The following ANGPTL1 variants were observed in gnomAD, a reference collection of about 807,000 sequenced individuals.
The protein encoded by ANGPTL1 is angiopoietin-related protein 1.
In ANGPTL1, 36 loss-of-function variants were observed where a neutral mutation model predicts 46.7. The ratio of observed to expected loss-of-function variants is 0.77; its 90% CI spans 0.59 to 1.02. The LOEUF is 1.02. Among genes scored for constraint, ANGPTL1 ranks in the 50% least tolerant of loss-of-function variants. The probability of loss-of-function intolerance (pLI) is 0.00; values close to 1 mark genes in which losing one functional copy is unlikely to be tolerated. For missense variants in ANGPTL1, 571 were observed against 594.7 expected (o/e 0.96, Z 0.41); for synonymous variants, 221 against 204.3 (o/e 1.08, Z -0.69).
intron 3 of ANGPTL1, among the ~76,000 whole-genome samples, chr1:178,862,330 T>C (rs1034686227): frequency 6.6e-6 from 1 of 152,150 alleles, no homozygotes; most frequent in African/African-American, 2.4e-5. Flanking sequence ...AGAAGCTCTA[T>C]AAAAATGTCA....
chr1:178,853,662 C>T lies in ANGPTL1; in HGVS notation c.949G>A (p.Gly317Ser), dbSNP rs1055428169. 20 of 1,612,376 alleles carry T rather than the reference C, an allele frequency of 1.2e-5. 1 individual carries two copies. Among genetic ancestry groups the T allele is most frequent in the Non-Finnish European group, 1.7e-5 (20 of 1,179,272 alleles). The change falls in exon 4 of 6, where the codon GGT becomes AGT. Residue 317 changes from glycine (G) to serine (S), a missense_variant. Coordinates refer to ENST00000234816, the MANE Select transcript of ANGPTL1 (RefSeq NM_004673.4). ...GTTCTTTTCTGAATAACAGTCCAAC[C>T]CCCAGGGTCCAAACTGTTTTCACAC... ...LWCENSLDPGGWTVIQKRTDG... is the reference protein window; with the variant it reads ...LWCENSLDPGSWTVIQKRTDG...
chr1:178,858,111 T>C (rs1209400289), intron 3 of ANGPTL1, among the ~76,000 whole-genome samples: 1 of 152,182 alleles, frequency 6.6e-6, no homozygotes, highest in Non-Finnish European at 1.5e-5. Flanking sequence ...GGATAAAATT[T>C]AGCAGTGCCT....
chr1:178,869,786 A>G (rs921575378), intron 1 of ANGPTL1, among the ~76,000 whole-genome samples: 1 of 152,074 alleles, frequency 6.6e-6, no homozygotes, highest in Non-Finnish European at 1.5e-5. Context: ...AGGAGCCCCA[A>G]ATCTAACAAA....
In ANGPTL1 at chr1:178,852,950, C is replaced by G; in HGVS notation, c.1021G>C (p.Gly341Arg). 1 of 1,606,572 alleles carries G rather than the reference C, an allele frequency of 6.2e-7. No homozygotes were observed. Among genetic ancestry groups the G allele is most frequent in the South Asian group, 1.1e-5 (1 of 90,198 alleles). Reference protein sequence around the residue: ...FFRNWENYKKGFGNIDGEYWL... With the variant: ...FFRNWENYKKRFGNIDGEYWL... Reference sequence around the variant, plus strand: ...TATTCTCCGTCAATGTTTCCAAACCCTTTCTGTTAATAAGTGAAGAAACAT... The same window carrying G: ...TATTCTCCGTCAATGTTTCCAAACCGTTTCTGTTAATAAGTGAAGAAACAT... Residue 341 changes from glycine (G) to arginine (R), a missense_variant, in exon 5 of 6, where the codon GGG becomes CGG. Gly to Arg is a moderately radical substitution (Grantham distance 125, BLOSUM62 -2). Coordinates refer to ENST00000234816, the MANE Select transcript of ANGPTL1 (RefSeq NM_004673.4).
chr1:178,859,174 C>G (rs1657788282), intron 3 of ANGPTL1, among the ~76,000 whole-genome samples: 1 of 152,016 alleles, frequency 6.6e-6, no homozygotes, highest in African/African-American at 2.4e-5. Flanking sequence ...CAATTACGTT[C>G]TCATAACTGG....
chr1:178,862,238 TAGAAC>T (rs570437274), intron 3 of ANGPTL1, among the ~76,000 whole-genome samples: 100 of 152,226 alleles, frequency 6.6e-4, no homozygotes, highest in African/African-American at 2.4e-3. Flanking sequence ...TACTGTAACT[TAGAAC>T]AGTATAAAAT....
At chr1:178,860,192 T>C (rs1037013148) in intron 3 of ANGPTL1, among the ~76,000 whole-genome samples, 1 of 151,856 alleles carries the variant, frequency 6.6e-6, no homozygotes, top group Non-Finnish European at 1.5e-5. Flanking sequence ...TAATTTTTTT[T>C]AATAAAAGAC....
Position 178,865,535 on chromosome 1 carries a change from G to A in ANGPTL1, c.242C>T (p.Thr81Ile). The A allele has an allele frequency of 6.2e-7, 1 of 1,614,078 alleles. No homozygotes were observed. Among genetic ancestry groups the A allele is most frequent in the East Asian group, 2.2e-5 (1 of 44,868 alleles). The change falls in exon 3 of 6, where the codon ACC becomes ATC. Residue 81 changes from threonine to isoleucine, a missense_variant. Thr to Ile is a moderately conservative substitution (Grantham distance 89, BLOSUM62 -1). Transcript: ENST00000234816. ...QDASTIKDMITRMDLENLKDV... is the reference protein window; with the variant it reads ...QDASTIKDMIIRMDLENLKDV... ...CTTCAGGTTTTCAAGGTCCATCCTG[G>A]TGATCATGTCTTTAATGGTACTTGC...
chr1:178,851,829 G>A (rs1657194361), intron 5 of ANGPTL1, among the ~76,000 whole-genome samples: 1 of 152,092 alleles, frequency 6.6e-6, no homozygotes, highest in Non-Finnish European at 1.5e-5. Context: ...TGTGCTGTTT[G>A]CCAAAATACA....
rs147272398 is a variant in ANGPTL1 at position 178,857,631 on chromosome 1, ATATT to A, written c.824-3848_824-3845del. Among the ~76,000 whole-genome samples the A allele has an allele frequency of 2.6e-3, 399 of 152,316 alleles. 2 individuals are homozygous for A. Among genetic ancestry groups the A allele is most frequent in the African/African-American group, 8.5e-3 (353 of 41,588 alleles). On this transcript the variant is annotated intron_variant, in intron 3 of 5. Transcript: ENST00000234816. ...AAAGTAGTTTTGTTACAACATATAT[ATATT>A]TATCTCATTTTATAAATTTGCATAT... is the stretch of plus-strand genomic sequence containing the variant.
Position 178,865,904 on chromosome 1 carries a change from T to C in ANGPTL1, c.-26-102A>G. ...AAAACTATCTGAGGGAAAAACTGAA[T>C]ATTTATTGGTGTTAATAGATTAGGC... On this transcript the variant is annotated intron_variant, in intron 2 of 5. Coordinates refer to ENST00000234816, the MANE Select transcript of ANGPTL1 (RefSeq NM_004673.4). The C allele has an allele frequency of 6.0e-6, 4 of 666,144 alleles. No individual in the cohort carries two copies. The South Asian group carries it at 8.4e-5, about 14-fold the overall frequency. 41.3% of individuals were successfully genotyped at this position (666,144 alleles called of 1,614,324 possible).
rs951611060 is a variant in ANGPTL1, at chr1:178,870,805, C to G, written c.-201G>C. 11 of 152,100 alleles carry G rather than the reference C, an allele frequency of 7.2e-5. No homozygotes were observed. Among genetic ancestry groups the G allele is most frequent in the African/African-American group, 2.4e-4 (10 of 41,418 alleles). The allele number at this position is 152,100 out of a possible 1,614,324, so 9.4% of individuals were successfully genotyped here. Reference sequence around the variant, plus strand: ...TGCCCTTATTCTTGATTTTAAAAATCAGTGTAGAAGTTTGTTCATCTGTGA... The same window carrying G: ...TGCCCTTATTCTTGATTTTAAAAATGAGTGTAGAAGTTTGTTCATCTGTGA... On this transcript the variant is annotated 5_prime_UTR_variant, in exon 1 of 6. The change abolishes the stop of an existing upstream ORF in the 5' untranslated region. Transcript: ENST00000234816.
chr1:178,852,889 T>A lies in ANGPTL1; in HGVS notation c.1082A>T (p.Asn361Ile), dbSNP rs753970255. 4 of 1,613,756 alleles carry A rather than the reference T, an allele frequency of 2.5e-6. No homozygotes were observed. In the African/African-American group the frequency reaches 4.0e-5, roughly 16 times the overall value. Residue 361 changes from asparagine to isoleucine, a missense_variant, in exon 5 of 6, where the codon AAT becomes ATT. Asn to Ile is a moderately radical substitution (Grantham distance 149, BLOSUM62 -3). Transcript: ENST00000234816. ...AATCAATAACTTGTAATTATCTTGA[T>A]TGCTAAGCATATAGATATTTTCCAG... ...LGLENIYMLS[N>I]QDNYKLLIEL...
chr1:178,851,295 T>C lies in ANGPTL1; in HGVS notation c.1310A>G (p.Lys437Arg). ...ACAGGCATTGTACCACCAGCCTCCT[T>C]TATGAAAGTGGGCGCAGTTTCCTTT... is the stretch of plus-strand genomic sequence containing the variant. ...MYAGNCAHFHKGGWWYNACAH... is the reference protein window; with the variant it reads ...MYAGNCAHFHRGGWWYNACAH... Residue 437 changes from lysine (K) to arginine (R), a missense_variant, in exon 6 of 6, where the codon AAA (lysine) becomes AGA (arginine). By Grantham distance (26) the Lys-to-Arg change is conservative. Transcript: ENST00000234816. 1 of 1,611,464 alleles carries C rather than the reference T, an allele frequency of 6.2e-7. No homozygotes were observed.
chr1:178,852,547 A>G (rs1657244054), intron 5 of ANGPTL1, 136 bp downstream of exon 5: 1 of 768,772 alleles, frequency 1.3e-6, no homozygotes, highest in Non-Finnish European at 2.0e-6. Context: ...TTCTTTCAGT[A>G]GGTTGGTTGT....
chr1:178,860,607 C>T (rs775889927), intron 3 of ANGPTL1, among the ~76,000 whole-genome samples: 4 of 152,156 alleles, frequency 2.6e-5, no homozygotes, highest in Non-Finnish European at 4.4e-5. Flanking sequence ...ATTCACCCTC[C>T]GCCTAACATC....
rs575429086 is a variant in ANGPTL1, at chr1:178,860,429, A to G, written c.823+4525T>C. ...TTAAAGAAAATAAAAGATTGTCATA[A>G]CATCTTTTATAAAATGTGATATGCA... On this transcript the variant is annotated intron_variant, in intron 3 of 5. Coordinates refer to ENST00000234816, the MANE Select transcript of ANGPTL1 (RefSeq NM_004673.4). Among the ~76,000 whole-genome samples the G allele has an allele frequency of 1.4e-4, 22 of 152,324 alleles. No homozygotes were observed. The South Asian group carries it at 4.3e-3, about 30-fold the overall frequency.
At chr1:178,862,718 T>G (rs1031792834) in intron 3 of ANGPTL1, among the ~76,000 whole-genome samples, 1 of 152,056 alleles carries the variant, frequency 6.6e-6, no homozygotes, top group African/African-American at 2.4e-5. Flanking sequence ...ATGAGTGAAT[T>G]TGTTTTATTG....
rs768926789 is a variant in ANGPTL1, at chr1:178,865,089, T to A, written c.688A>T (p.Thr230Ser). 6.4e-7 allele frequency: 1 copy of A among 1,554,400 alleles called. No homozygotes were observed. Residue 230 changes from threonine (T) to serine (S), a missense_variant, in exon 3 of 6, where the codon ACT becomes TCT. Thr to Ser is a moderately conservative substitution (Grantham distance 58). Coordinates refer to ENST00000234816, the MANE Select transcript of ANGPTL1 (RefSeq NM_004673.4). ...TCGTTACCTCCCAGCAGACCAGGAG[T>A]ATACTGTTGGCTGTTAGGAATATGT... is the stretch of plus-strand genomic sequence containing the variant. ...PQHIPNSQQY[T>S]PGLLGGNEIQ...
Sources: gnomAD v4.1 joint callset for allele counts (sites outside exome capture counted in the v4.1 genomes callset) on GRCh38, gnomAD v4.1.1 for gene constraint, MANE v1.5 for transcripts, NCBI Gene and HGNC (gene_info 2026-07-23, HGNC 2026-07-21) for gene names.